Variants in PAX6 observed in about 807,000 individuals in gnomAD.
PAX6 encodes the protein paired box 6.
In PAX6, 7 loss-of-function variants were observed where a neutral mutation model predicts 60.7. That is an observed-to-expected ratio of 0.12 (90% confidence interval 0.07 to 0.22). The LOEUF (loss-of-function observed/expected upper bound fraction) is 0.22, where lower values mean the gene tolerates loss of function less well. PAX6 is among the 10% of genes least tolerant of loss of function. PAX6 has a pLI of 1.00. For missense variants in PAX6, 355 were observed against 555.2 expected (o/e 0.64, Z 3.62); for synonymous variants, 208 against 201.2 (o/e 1.03, Z -0.29).
Position 31,790,772 on chromosome 11 carries a change from G to A in PAX6, c.1163C>T (p.Pro388Leu), listed in dbSNP as rs1412432564. Reference sequence around the variant, plus strand: ...GTTCATGTGTGTCTGCATATGTGGGGGGGTGTAGGTATCATAACTCCGCCC... The same window carrying A: ...GTTCATGTGTGTCTGCATATGTGGGAGGGTGTAGGTATCATAACTCCGCCC... ...VNGRSYDTYTPPHMQTHMNSQ... is the reference protein window; with the variant it reads ...VNGRSYDTYTLPHMQTHMNSQ... Residue 388 changes from proline to leucine, a missense_variant, in exon 13 of 14, where the codon CCC (proline) becomes CTC (leucine). This residue lies in a region of PAX6 where 149 missense variants were observed against 191.9 expected (regional missense o/e 0.78). Coordinates refer to ENST00000640368, the MANE Select transcript of PAX6 (RefSeq NM_001368894.2). The A allele has an allele frequency of 6.2e-7, 1 of 1,614,110 alleles. No individual in the cohort carries two copies. Among genetic ancestry groups the A allele is most frequent in the East Asian group, 2.2e-5 (1 of 44,870 alleles).
At chr11:31,797,693 G>A (rs1238245514) in intron 8 of PAX6, among the ~76,000 whole-genome samples, 2 of 152,086 alleles carry the variant, frequency 1.3e-5, no homozygotes, top group Admixed American at 1.3e-4. Flanking sequence ...CATAAAATGG[G>A]TACATTTCCC....
chr11:31,808,850 G>C (rs1182783240), intron 2 of PAX6: 1 of 152,290 alleles, frequency 6.6e-6, no homozygotes, highest in African/African-American at 2.4e-5. Context: ...AAGCAGTCCT[G>C]TGCACCGGAG....
chr11:31,793,403 C>T (rs1565197247), intron 12 of PAX6, 35 bp downstream of exon 12: 1 of 1,579,934 alleles, frequency 6.3e-7, no homozygotes, highest in South Asian at 1.1e-5. Flanking sequence ...TTCTCTGGGG[C>T]CTGGGTTATG....
In PAX6 at chr11:31,800,119, G is replaced by A. The variant is rs75465450; in HGVS notation, c.565+572C>T. 7.4e-3 allele frequency among the ~76,000 whole-genome samples: 1,130 copies of A among 152,142 alleles called. 17 individuals are homozygous for A. The highest frequency in any genetic ancestry group is 0.026 in the African/African-American group (1,060 of 41,522). On this transcript the variant is annotated intron_variant, in intron 8 of 13. Transcript: ENST00000640368. Reference sequence around the variant, plus strand: ...CACATAGTCGCCACCCACAGAGAGTGAGAAAGTGGGACCCAGAGGGGCGAA... The same window carrying A: ...CACATAGTCGCCACCCACAGAGAGTAAGAAAGTGGGACCCAGAGGGGCGAA...
chr11:31,802,525 G>T, intron 5 of PAX6, 179 bp downstream of exon 5: 1 of 620,022 alleles, frequency 1.6e-6, no homozygotes, highest in Non-Finnish European at 2.8e-6. Flanking sequence ...AGATAGGGAA[G>T]GATGGTGGAA....
intron 8 of PAX6, among the ~76,000 whole-genome samples, chr11:31,798,456 A>G (rs982879255): frequency 2.6e-5 from 4 of 152,172 alleles, no homozygotes. Flanking sequence ...CTGGGCTGGG[A>G]AAGGGGGCTA....
chr11:31,817,052 C>T (rs1279025221), intron 1 of PAX6, among the ~76,000 whole-genome samples: 1 of 152,260 alleles, frequency 6.6e-6, no homozygotes, highest in South Asian at 2.1e-4. Flanking sequence ...GGGTGGTGGG[C>T]GCTTCTCTTT....
intron 5 of PAX6, 181 bp downstream of exon 5, chr11:31,802,523 A>T: frequency 5.0e-6 from 3 of 597,190 alleles, no homozygotes; most frequent in Non-Finnish European, 8.7e-6. Context: ...AGAGATAGGG[A>T]AGGATGGTGG....
chr11:31,793,013 C>T (rs1263376670), intron 12 of PAX6: 2 of 527,432 alleles, frequency 3.8e-6, no homozygotes, highest in Admixed American at 3.3e-5. Flanking sequence ...AAGTAATGCC[C>T]CAAATGCGTG....
chr11:31,801,092 G>T, intron 7 of PAX6: 1 of 738,196 alleles, frequency 1.4e-6, no homozygotes, highest in Non-Finnish European at 2.2e-6. Flanking sequence ...ACCATTGCTT[G>T]GTGTCTCTGG....
In PAX6 at chr11:31,789,912, CTTTTTTTTTTTT is replaced by C. The variant is rs759391101; in HGVS notation, c.*10_*21del. On this transcript the variant is annotated 3_prime_UTR_variant, in exon 14 of 14. Transcript: ENST00000640368. ...CTGAATTAACACAATATTTCCTTTC[CTTTTTTTTTTTT>C]TTTTTTTTTTTACTGTAATCTTGGC... The C allele has an allele frequency of 1.9e-6, 2 of 1,046,002 alleles. No homozygotes were observed. The highest frequency in any genetic ancestry group is 2.6e-5 in the East Asian group (1 of 38,808). 64.8% of individuals were successfully genotyped at this position (1,046,002 alleles called of 1,614,324 possible). A position where few individuals can be genotyped will look rare whatever the true frequency, so the allele number is the denominator to read the frequency against.
chr11:31,802,904 A>G, intron 4 of PAX6, 70 bp from the exon 5 acceptor site: 1 of 1,450,728 alleles, frequency 6.9e-7, no homozygotes, highest in East Asian at 2.3e-5. Context: ...AAGAAGAGGG[A>G]GAAGAAGGAA....
At chr11:31,816,413 G>A in intron 1 of PAX6, 1 of 620,324 alleles carries the variant, frequency 1.6e-6, no homozygotes, top group Admixed American at 2.4e-5. Context: ...CCCTGGGCGC[G>A]GAGCGAGGAC....
Position 31,790,768 on chromosome 11 carries a change from T to G in PAX6, c.1167A>C (p.Pro389=), listed in dbSNP as rs1565187250. 6.2e-7 allele frequency: 1 copy of G among 1,613,798 alleles called. No homozygotes were observed. The highest frequency in any genetic ancestry group is 1.1e-5 in the South Asian group (1 of 91,052). ...GACTGTTCATGTGTGTCTGCATATG[T>G]GGGGGGGTGTAGGTATCATAACTCC... The part of the protein sequence containing the change: ...NGRSYDTYTP[P]HMQTHMNSQP... The change falls in exon 13 of 14, where the codon CCA becomes CCC. Residue 389 remains proline, a synonymous_variant. Coordinates refer to ENST00000640368, the MANE Select transcript of PAX6 (RefSeq NM_001368894.2).
At position 31,796,873 on chromosome 11, in the gene PAX6, TG is replaced by T. The variant is rs1397690684; in HGVS notation, c.566-2086del. Among the ~76,000 whole-genome samples the T allele has an allele frequency of 4.0e-5, 6 of 151,674 alleles. No individual in the cohort carries two copies. The East Asian group carries it at 9.7e-4, about 25-fold the overall frequency. ...GGGTCTTTGCACTCCATCAGAAAGGTGGGGGTCGAGGAGGGCTACTTAGCTG... is the reference window on the plus strand; with the variant it reads ...GGGTCTTTGCACTCCATCAGAAAGGTGGGGTCGAGGAGGGCTACTTAGCTG... On this transcript the variant is annotated intron_variant, in intron 8 of 13. Coordinates refer to ENST00000640368, the MANE Select transcript of PAX6 (RefSeq NM_001368894.2).
rs539499073 is a variant in PAX6 at position 31,800,141 on chromosome 11, C to T, written c.565+550G>A. Among the ~76,000 whole-genome samples the T allele has an allele frequency of 1.1e-4, 16 of 152,134 alleles. No individual in the cohort carries two copies. In the South Asian group the frequency reaches 3.1e-3, roughly 30 times the overall value. On this transcript the variant is annotated intron_variant, in intron 8 of 13. Coordinates refer to ENST00000640368, the MANE Select transcript of PAX6 (RefSeq NM_001368894.2). ...AGTGAGAAAGTGGGACCCAGAGGGG[C>T]GAACGGGGGAGGGGCAAGGATAGTG... is the stretch of plus-strand genomic sequence containing the variant.
At chr11:31,805,860 A>T (rs1204981957) in intron 4 of PAX6, 1 of 153,326 alleles carries the variant, frequency 6.5e-6, no homozygotes, top group African/African-American at 2.4e-5. Context: ...TACCACCCCT[A>T]CCCTGCTGCA....
chr11:31,800,582 A>G, intron 8 of PAX6, 109 bp downstream of exon 8: 2 of 1,328,706 alleles, frequency 1.5e-6, no homozygotes, highest in Middle Eastern at 2.4e-4. Flanking sequence ...AGTCTCACCC[A>G]TGACATTCCC....
intron 12 of PAX6, 105 bp downstream of exon 12, chr11:31,793,333 A>T (rs763811795): frequency 6.4e-6 from 6 of 943,140 alleles, no homozygotes; most frequent in Middle Eastern, 4.1e-4. Context: ...TGTAGTGCGA[A>T]AAGCTCTCAA....
Sources: gnomAD v4.1 joint callset for allele counts (sites outside exome capture counted in the v4.1 genomes callset) on GRCh38, gnomAD v4.1.1 for gene constraint, gnomAD v4.1.1 regional missense constraint, MANE v1.5 for transcripts, NCBI Gene and HGNC (gene_info 2026-07-23, HGNC 2026-07-21) for gene names.